The following EXOC6B variants were observed in gnomAD, a reference collection of about 807,000 sequenced individuals.
EXOC6B encodes SEC15 homolog B.
A neutral mutation model predicts 113.5 loss-of-function variants in EXOC6B; 54 were observed. The observed-to-expected ratio is 0.48, with a 90% CI of 0.38 to 0.60. The LOEUF is 0.60. Ranked by LOEUF, EXOC6B falls within the 20% of genes least tolerant of loss-of-function variation. EXOC6B has a pLI of 0.00. For synonymous variants in EXOC6B, 357 were observed against 339.0 expected, an observed-to-expected ratio of 1.05 and a Z score of -0.58; for missense variants, 797 against 977.5, an observed-to-expected ratio of 0.82 and a Z score of 2.46.
intron 6 of EXOC6B, among the ~76,000 whole-genome samples, chr2:72,697,934 C>T (rs147034399): frequency 1.4e-3 from 211 of 152,216 alleles, no homozygotes; most frequent in Non-Finnish European, 2.4e-3. Flanking sequence ...TAACTTAAAA[C>T]CCTCAGGGAC....
chr2:72,699,270 G>C (rs564579230), intron 6 of EXOC6B, among the ~76,000 whole-genome samples: 1 of 152,086 alleles, frequency 6.6e-6, no homozygotes, highest in Non-Finnish European at 1.5e-5. Flanking sequence ...ACGAGGTCAG[G>C]AGTTCAAGAA....
chr2:72,699,749 C>T (rs983827163), intron 6 of EXOC6B, among the ~76,000 whole-genome samples: 2 of 152,066 alleles, frequency 1.3e-5, no homozygotes, highest in Admixed American at 6.5e-5. Flanking sequence ...AATCATTACC[C>T]TCAAATCCTC....
intron 20 of EXOC6B, among the ~76,000 whole-genome samples, chr2:72,286,367 C>T (rs1029182477): frequency 1.3e-5 from 2 of 152,024 alleles, no homozygotes; most frequent in African/African-American, 4.8e-5. Context: ...AACTTAAATG[C>T]ATATTACTAA....
At chr2:72,325,829 T>C (rs889950444) in intron 20 of EXOC6B, among the ~76,000 whole-genome samples, 2 of 152,100 alleles carry the variant, frequency 1.3e-5, no homozygotes, top group Non-Finnish European at 2.9e-5. Flanking sequence ...TCCTGGTTCC[T>C]GGACTTGCCC....
intron 8 of EXOC6B, among the ~76,000 whole-genome samples, chr2:72,551,390 G>T (rs991238321): frequency 1.9e-4 from 29 of 152,006 alleles, no homozygotes; most frequent in African/African-American, 6.0e-4. Context: ...TAGAGACAGG[G>T]TTTCACCATG....
At chr2:72,747,061 A>G (rs1010954884) in intron 1 of EXOC6B, among the ~76,000 whole-genome samples, 3 of 151,710 alleles carry the variant, frequency 2.0e-5, no homozygotes, top group Admixed American at 6.6e-5. Context: ...GTGGTTTAAA[A>G]AGAGAGAGAG....
At chr2:72,628,052 A>G (rs1381126151) in intron 6 of EXOC6B, among the ~76,000 whole-genome samples, 1 of 152,176 alleles carries the variant, frequency 6.6e-6, no homozygotes, top group Non-Finnish European at 1.5e-5. Flanking sequence ...TTTAAACAGT[A>G]TTTTATAAAA....
At chr2:72,599,518 T>C (rs1670278343) in intron 6 of EXOC6B, among the ~76,000 whole-genome samples, 1 of 152,154 alleles carries the variant, frequency 6.6e-6, no homozygotes, top group African/African-American at 2.4e-5. Flanking sequence ...TCACCACTAC[T>C]ATCCAACATC....
intron 19 of EXOC6B, among the ~76,000 whole-genome samples, chr2:72,368,240 A>G (rs1281447244): frequency 2.6e-5 from 4 of 152,226 alleles, no homozygotes; most frequent in Admixed American, 6.5e-5. Context: ...AAACACCTCT[A>G]CGCAGATAAA....
intron 6 of EXOC6B, among the ~76,000 whole-genome samples, chr2:72,624,602 C>G (rs539698953): frequency 6.6e-6 from 1 of 152,152 alleles, no homozygotes; most frequent in African/African-American, 2.4e-5. Flanking sequence ...AAAATTTAGC[C>G]AGGCATAGTG....
At chr2:72,530,982 T>A (rs1701970357) in intron 8 of EXOC6B, among the ~76,000 whole-genome samples, 1 of 151,930 alleles carries the variant, frequency 6.6e-6, no homozygotes. Context: ...TTAAAGTGAT[T>A]TTTCTATAGA....
chr2:72,739,022 A>G (rs1417316899), intron 2 of EXOC6B, among the ~76,000 whole-genome samples: 3 of 152,210 alleles, frequency 2.0e-5, no homozygotes, highest in East Asian at 3.9e-4. Flanking sequence ...AAAAATAGTC[A>G]TACTGTTCAT....
intron 11 of EXOC6B, among the ~76,000 whole-genome samples, chr2:72,512,620 C>T (rs1700999375): frequency 6.6e-6 from 1 of 151,782 alleles, no homozygotes; most frequent in East Asian, 1.9e-4. Context: ...CTGTGAACTC[C>T]AAATCAGTGT....
intron 6 of EXOC6B, among the ~76,000 whole-genome samples, chr2:72,643,857 A>G (rs1673467923): frequency 6.6e-6 from 1 of 151,918 alleles, no homozygotes; most frequent in Admixed American, 6.6e-5. Flanking sequence ...AGAGCAGAAA[A>G]GCTGAAAATT....
chr2:72,347,793 T>C (rs991717410), intron 19 of EXOC6B, among the ~76,000 whole-genome samples: 1 of 152,146 alleles, frequency 6.6e-6, no homozygotes, highest in Non-Finnish European at 1.5e-5. Context: ...GCAATAGTAT[T>C]GAACATTGTA....
intron 6 of EXOC6B, among the ~76,000 whole-genome samples, chr2:72,637,457 A>G (rs1672925154): frequency 6.6e-6 from 1 of 152,156 alleles, no homozygotes; most frequent in South Asian, 2.1e-4. Flanking sequence ...AACTCCATTT[A>G]AAAGTGGGCA....
In EXOC6B at chr2:72,493,753, T is replaced by C. The variant is rs79032120; in HGVS notation, c.1554-1324A>G. 6.5e-3 allele frequency among the ~76,000 whole-genome samples: 996 copies of C among 152,250 alleles called. 5 individuals are homozygous for C. Among genetic ancestry groups the C allele is most frequent in the Non-Finnish European group, 0.01 (700 of 68,000 alleles). On this transcript the variant is annotated intron_variant, in intron 15 of 21. Transcript: ENST00000272427. Reference sequence around the variant, plus strand: ...GAAAGTTTTACGTATTCAGAATTCATGCAATTACAAATTTTGTCAATATGT... The same window carrying C: ...GAAAGTTTTACGTATTCAGAATTCACGCAATTACAAATTTTGTCAATATGT...
In EXOC6B at chr2:72,741,412, G is replaced by C; in HGVS notation, c.171C>G (p.Ile57Met). 6.2e-7 allele frequency: 1 copy of C among 1,613,434 alleles called. No individual in the cohort carries two copies. Among genetic ancestry groups the C allele is most frequent in the African/African-American group, 1.3e-5 (1 of 74,854 alleles). Residue 57 changes from isoleucine to methionine, a missense_variant, in exon 2 of 22, where the codon ATC becomes ATG. Ile to Met is a conservative substitution (Grantham distance 10, BLOSUM62 1). Transcript: ENST00000272427. ...GRFMEKLETR[I>M]RNHDREIEKM... ...TCTCAATTTCTCGGTCGTGATTACG[G>C]ATACGAGTTTCAAGCTTCTCCATGA...
At chr2:72,364,881 T>C (rs143454982) in intron 19 of EXOC6B, among the ~76,000 whole-genome samples, 1 of 152,166 alleles carries the variant, frequency 6.6e-6, no homozygotes, top group Non-Finnish European at 1.5e-5. Context: ...ACCAAAGCCC[T>C]TTCCTTCCTT....
Sources: gnomAD v4.1 joint callset for allele counts (sites outside exome capture counted in the v4.1 genomes callset) on GRCh38, gnomAD v4.1.1 for gene constraint, MANE v1.5 for transcripts, NCBI Gene and HGNC (gene_info 2026-07-23, HGNC 2026-07-21) for gene names.